The following CSNK1E variants were observed in gnomAD, a reference collection of about 807,000 sequenced individuals.
CSNK1E encodes casein kinase I isoform epsilon.
CSNK1E carries 17 observed loss-of-function variants against 46.1 expected under a neutral mutation model. The observed-to-expected ratio is 0.37, with a 90% CI of 0.25 to 0.55. CSNK1E has a LOEUF of 0.55. CSNK1E is among the 20% of genes least tolerant of loss of function. The probability of loss-of-function intolerance (pLI) is 0.82; values close to 1 mark genes in which losing one functional copy is unlikely to be tolerated. For missense variants in CSNK1E, 386 were observed against 595.4 expected, an observed-to-expected ratio of 0.65 and a Z score of 3.66; for synonymous variants, 241 against 242.6, an observed-to-expected ratio of 0.99 and a Z score of 0.06.
At chr22:38,311,036 G>A (rs886253807) in intron 2 of CSNK1E, among the ~76,000 whole-genome samples, 11 of 152,214 alleles carry the variant, frequency 7.2e-5, no homozygotes, top group Non-Finnish European at 1.5e-4. Flanking sequence ...CACCAGTGAA[G>A]ATGGGAGAGT....
At chr22:38,306,920 G>C (rs140869282) in intron 2 of CSNK1E, among the ~76,000 whole-genome samples, 2 of 152,330 alleles carry the variant, frequency 1.3e-5, no homozygotes, top group African/African-American at 2.4e-5. Flanking sequence ...CACAACTGTA[G>C]TACTACCACT....
intron 7 of CSNK1E, chr22:38,296,679 CT>C: frequency 1.9e-6 from 3 of 1,612,060 alleles, no homozygotes; most frequent in Non-Finnish European, 2.5e-6. Context: ...TGGAGAGGTG[CT>C]CCTGGCCTGG....
At chr22:38,297,179 T>G (rs1157669860) in intron 7 of CSNK1E, 1 of 777,666 alleles carries the variant, frequency 1.3e-6, no homozygotes, top group Admixed American at 1.7e-5. Context: ...AATCCATTCT[T>G]GCAGTTGTGC....
intron 7 of CSNK1E, among the ~76,000 whole-genome samples, chr22:38,295,788 C>T (rs904934545): frequency 5.9e-5 from 9 of 152,196 alleles, no homozygotes; most frequent in African/African-American, 2.2e-4. Context: ...ATGCATCTTC[C>T]CATCCTCCCA....
intron 1 of CSNK1E, among the ~76,000 whole-genome samples, chr22:38,315,214 G>A (rs369144839): frequency 2.0e-5 from 3 of 152,354 alleles, no homozygotes; most frequent in Middle Eastern, 6.8e-3. Flanking sequence ...GGGCAAAACA[G>A]GAAGACTGCA....
chr22:38,309,965 G>T lies in CSNK1E; in HGVS notation c.76+4117C>A, dbSNP rs1407107350. Among the ~76,000 whole-genome samples, 1 of 152,182 alleles carries T rather than the reference G, an allele frequency of 6.6e-6. No individual in the cohort carries two copies. The highest frequency in any genetic ancestry group is 1.9e-4 in the East Asian group (1 of 5,200). On this transcript the variant is annotated intron_variant, in intron 2 of 10. Coordinates refer to ENST00000396832, the MANE Select transcript of CSNK1E (RefSeq NM_152221.3). This position sits in a 1 kb window ranked among gnomAD's most constrained non-coding sequence, Gnocchi z 4.8. ...GGCCTCTAAATTCTATCAGGAAGCCGCCAGGCTTTTCTCTGAGCTCCCTTA... is the reference window on the plus strand; with the variant it reads ...GGCCTCTAAATTCTATCAGGAAGCCTCCAGGCTTTTCTCTGAGCTCCCTTA...
rs772227213 is a variant in CSNK1E at position 38,300,967 on chromosome 22, G to T, written c.337-15C>A. 6 of 1,611,168 alleles carry T rather than the reference G, an allele frequency of 3.7e-6. No homozygotes were observed. The highest frequency in any genetic ancestry group is 5.1e-6 in the Non-Finnish European group (6 of 1,177,384). ...ATGCGGCTGATCTGGGGAGGAGGGG[G>T]GCCATTTGTTCAACAGAGGGGCCCT... is the stretch of plus-strand genomic sequence containing the variant. On this transcript the variant is annotated splice_polypyrimidine_tract_variant and intron_variant, in intron 4 of 10. Transcript: ENST00000396832. This position sits in a 1 kb window ranked among gnomAD's most constrained non-coding sequence, Gnocchi z 4.4.
At chr22:38,307,789 G>C (rs2092704888) in intron 2 of CSNK1E, among the ~76,000 whole-genome samples, 1 of 152,162 alleles carries the variant, frequency 6.6e-6, no homozygotes, top group Non-Finnish European at 1.5e-5. Flanking sequence ...CTCAACCTCT[G>C]GGGCGCAAGT....
rs746997927 is a variant in CSNK1E at position 38,294,531 on chromosome 22, C to T, written c.889G>A (p.Ala297Thr). 46 of 1,585,590 alleles carry T rather than the reference C, an allele frequency of 2.9e-5. No homozygotes were observed. Among genetic ancestry groups the T allele is most frequent in the Non-Finnish European group, 3.7e-5 (43 of 1,167,170 alleles). ...TCCACATCCTCGGGATTCCGGGCTG[C>T]ACCCTGCAGGGATGCAAGAAAAGAC... Reference protein sequence around the residue: ...VFDWNMLKFGAARNPEDVDRE... With the variant: ...VFDWNMLKFGTARNPEDVDRE... The change falls in exon 8 of 11, where the codon GCA becomes ACA. Residue 297 changes from alanine (A) to threonine (T), a missense_variant. Physicochemically the swap from Ala to Thr is moderately conservative, Grantham distance 58 (BLOSUM62 0). Coordinates refer to ENST00000396832, the MANE Select transcript of CSNK1E (RefSeq NM_152221.3). This position sits in a 1 kb window ranked among gnomAD's most constrained non-coding sequence, Gnocchi z 5.5.
At chr22:38,299,517 T>C (rs2092659632) in intron 6 of CSNK1E, among the ~76,000 whole-genome samples, 1 of 152,122 alleles carries the variant, frequency 6.6e-6, no homozygotes, top group African/African-American at 2.4e-5. Context: ...GGCAGCCCAG[T>C]GTGGGCTTTG....
chr22:38,313,724 C>T (rs1403145146), intron 2 of CSNK1E, among the ~76,000 whole-genome samples: 1 of 152,158 alleles, frequency 6.6e-6, no homozygotes, highest in Non-Finnish European at 1.5e-5. Flanking sequence ...CAAGTCCCTT[C>T]TATCTACCAA....
At position 38,314,887 on chromosome 22, in the gene CSNK1E, G is replaced by A. The variant is rs2092737078; in HGVS notation, c.-12-718C>T. ...GGGGGAGCCCTCTGCTCTGGCCTGG[G>A]GCAGAGGAGGGACCCCTCTGCTCTG... On this transcript the variant is annotated intron_variant, in intron 1 of 10. Coordinates refer to ENST00000396832, the MANE Select transcript of CSNK1E (RefSeq NM_152221.3). Among the ~76,000 whole-genome samples the A allele has an allele frequency of 3.9e-5, 6 of 151,964 alleles. No individual in the cohort carries two copies. The South Asian group carries it at 1.2e-3, about 32-fold the overall frequency.
At chr22:38,314,372 G>T (rs2092734365) in intron 1 of CSNK1E, among the ~76,000 whole-genome samples, 1 of 152,170 alleles carries the variant, frequency 6.6e-6, no homozygotes, top group African/African-American at 2.4e-5. Flanking sequence ...TTTCAGTGTG[G>T]CCAGAGAGGA....
Position 38,304,866 on chromosome 22 carries a change from G to A in CSNK1E, c.77-1618C>T, listed in dbSNP as rs569248328. The stretch of plus-strand genomic sequence containing the variant: ...AGGCCAGGCACAGTGGCTCACGCCC[G>A]TAATCCCAATACTTTGGGAGGCTGA... On this transcript the variant is annotated intron_variant, in intron 2 of 10. Transcript: ENST00000396832. 1.5e-3 allele frequency among the ~76,000 whole-genome samples: 233 copies of A among 152,308 alleles called. 1 individual carries two copies. Among genetic ancestry groups the A allele is most frequent in the African/African-American group, 4.9e-3 (205 of 41,572 alleles).
intron 2 of CSNK1E, among the ~76,000 whole-genome samples, chr22:38,313,611 C>T (rs1207330263): frequency 2.0e-5 from 3 of 152,332 alleles, no homozygotes; most frequent in Non-Finnish European, 2.9e-5. Flanking sequence ...ACCCCACCCC[C>T]GAGGTTACAG....
At chr22:38,306,929 C>T (rs925931230) in intron 2 of CSNK1E, among the ~76,000 whole-genome samples, 24 of 152,280 alleles carry the variant, frequency 1.6e-4, no homozygotes, top group African/African-American at 4.3e-4. Flanking sequence ...AGTACTACCA[C>T]TTTGGGAGGC....
In CSNK1E at chr22:38,296,679, C is replaced by T. The variant is rs115855600; in HGVS notation, c.885+2107G>A. ...ACCAGCAGCAGTGGGTGGAGAGGTG[C>T]TCCTGGCCTGGTTGGAAAAGAGATC... On this transcript the variant is annotated intron_variant, in intron 7 of 10. Coordinates refer to ENST00000396832, the MANE Select transcript of CSNK1E (RefSeq NM_152221.3). The T allele has an allele frequency of 1.1e-3, 1,726 of 1,612,058 alleles. 18 individuals are homozygous for T. In the African/African-American group the frequency reaches 0.019, roughly 18 times the overall value.
Position 38,291,363 on chromosome 22 carries a change from C to CAT in CSNK1E, c.*607_*608insAT, listed in dbSNP as rs3041793. On this transcript the variant is annotated 3_prime_UTR_variant, in exon 11 of 11. Transcript: ENST00000396832. Reference sequence around the variant, plus strand: ...CCACACACACACACACACACACACACGCAGGGGACGCCGGCCCCCACCACC... The same window carrying CAT: ...CCACACACACACACACACACACACACATGCAGGGGACGCCGGCCCCCACCACC... 1 of 152,202 alleles carries CAT rather than the reference C, an allele frequency of 6.6e-6. No individual in the cohort carries two copies. Among genetic ancestry groups the CAT allele is most frequent in the Non-Finnish European group, 1.5e-5 (1 of 68,544 alleles). 9.4% of individuals were successfully genotyped at this position (152,202 alleles called of 1,614,324 possible).
chr22:38,306,813 T>C (rs1322535286), intron 2 of CSNK1E, among the ~76,000 whole-genome samples: 1 of 152,158 alleles, frequency 6.6e-6, no homozygotes, highest in Non-Finnish European at 1.5e-5. Flanking sequence ...TGCTGTGGGT[T>C]CCGCATCTGC....
Sources: gnomAD v4.1 joint callset for allele counts (sites outside exome capture counted in the v4.1 genomes callset) on GRCh38, gnomAD v4.1.1 for gene constraint, Gnocchi (gnomAD v3.1) non-coding constraint, MANE v1.5 for transcripts, NCBI Gene and HGNC (gene_info 2026-07-23, HGNC 2026-07-21) for gene names.